Variants in COL21A1 observed in about 807,000 individuals in gnomAD.
COL21A1 encodes the protein collagen type XXI alpha 1 chain.
Under a neutral mutation model 137.9 loss-of-function variants are expected in COL21A1, and 149 were observed. The ratio of observed to expected loss-of-function variants is 1.08; its 90% CI spans 0.95 to 1.24. COL21A1 has a LOEUF of 1.24. Ranked by LOEUF, COL21A1 falls within the 50% of genes most tolerant of loss-of-function variation. COL21A1 has a pLI of 0.00. For synonymous variants in COL21A1, 456 were observed against 391.5 expected, an observed-to-expected ratio of 1.16 and a Z score of -1.95; for missense variants, 1,167 against 1,158.4, an observed-to-expected ratio of 1.01 and a Z score of -0.11.
chr6:56,374,720 CAAAA>C (rs34067784), intron 1 of COL21A1, among the ~76,000 whole-genome samples: 1 of 86,392 alleles, frequency 1.2e-5, no homozygotes, highest in African/African-American at 4.3e-5. Flanking sequence ...GACTTCGTCT[CAAAA>C]AAAAAAAAAA....
At chr6:56,102,905 T>G (rs1770580891) in intron 16 of COL21A1, among the ~76,000 whole-genome samples, 1 of 152,150 alleles carries the variant, frequency 6.6e-6, no homozygotes, top group Non-Finnish European at 1.5e-5. Context: ...GAGAAGTTAC[T>G]GCTAATCCAA....
chr6:56,167,901 G>A (rs1368698318), intron 6 of COL21A1, among the ~76,000 whole-genome samples: 4 of 152,050 alleles, frequency 2.6e-5, no homozygotes, highest in Non-Finnish European at 5.9e-5. Flanking sequence ...TGAACCCAGG[G>A]GAACATTTTT....
At chr6:56,326,034 T>C (rs559812018) in intron 1 of COL21A1, among the ~76,000 whole-genome samples, 6 of 40,480 alleles carry the variant, frequency 1.5e-4, no homozygotes, top group African/African-American at 4.5e-4. Context: ...CATAATATAT[T>C]ATGTATATGT....
At chr6:56,356,095 A>G (rs1348251249) in intron 1 of COL21A1, among the ~76,000 whole-genome samples, 1 of 152,160 alleles carries the variant, frequency 6.6e-6, no homozygotes, top group Non-Finnish European at 1.5e-5. Context: ...ATTTGTAACC[A>G]ATGTAATGTA....
chr6:56,252,249 G>A (rs533253783), upstream of COL21A1, among the ~76,000 whole-genome samples: 47 of 152,144 alleles, frequency 3.1e-4, no homozygotes, highest in Non-Finnish European at 4.7e-4. Context: ...AGCTTAACAA[G>A]CTTTTCCCTT....
At chr6:56,209,313 A>G (rs922628655) in intron 1 of COL21A1, among the ~76,000 whole-genome samples, 1 of 152,196 alleles carries the variant, frequency 6.6e-6, no homozygotes, top group Non-Finnish European at 1.5e-5. Flanking sequence ...TCTGCACAGC[A>G]AAAGAAACTA....
At chr6:56,197,171 G>C (rs1187103626) in intron 1 of COL21A1, among the ~76,000 whole-genome samples, 1 of 151,974 alleles carries the variant, frequency 6.6e-6, no homozygotes. Context: ...ATGTGGAAAA[G>C]AATGAAATTG....
At position 56,125,605 on chromosome 6, in the gene COL21A1, T is replaced by C; in HGVS notation, c.1612A>G (p.Lys538Glu). ...MPGSKGEMGA[K>E]GDKGSPGFYG... ...AATCCAGGTGATCCTTTGTCTCCTTTGGCACCCATTTCACCCTAAAAGACA... is the reference window on the plus strand; with the variant it reads ...AATCCAGGTGATCCTTTGTCTCCTTCGGCACCCATTTCACCCTAAAAGACA... Residue 538 changes from lysine (K) to glutamate (E), a missense_variant, in exon 14 of 30, where the codon AAA (lysine) becomes GAA (glutamate). By Grantham distance (56) the Lys-to-Glu change is moderately conservative. Transcript: ENST00000244728. 6.3e-7 allele frequency: 1 copy of C among 1,593,276 alleles called. No homozygotes were observed. The highest frequency in any genetic ancestry group is 8.6e-7 in the Non-Finnish European group (1 of 1,166,616).
chr6:56,258,311 C>G (rs1277670169), intron 1 of COL21A1, among the ~76,000 whole-genome samples: 6 of 152,030 alleles, frequency 3.9e-5, no homozygotes, highest in Non-Finnish European at 2.9e-5. Flanking sequence ...TCAGAGTCTG[C>G]CCTGTGCTCT....
chr6:56,201,009 G>C (rs1477885588), intron 1 of COL21A1, among the ~76,000 whole-genome samples: 3 of 152,152 alleles, frequency 2.0e-5, no homozygotes, highest in African/African-American at 4.8e-5. Context: ...ACTGGTGTGA[G>C]ATGGTATCTC....
intron 10 of COL21A1, among the ~76,000 whole-genome samples, chr6:56,150,534 AC>A (rs1271178995): frequency 6.6e-6 from 1 of 150,676 alleles, no homozygotes; most frequent in Non-Finnish European, 1.5e-5. Flanking sequence ...ACACACACAC[AC>A]ACACACACAC....
chr6:56,370,265 G>C (rs1336762336), intron 1 of COL21A1, among the ~76,000 whole-genome samples: 1 of 152,138 alleles, frequency 6.6e-6, no homozygotes, highest in African/African-American at 2.4e-5. Context: ...ATCCCGATCT[G>C]GAAAAACCTG....
In COL21A1 at chr6:56,065,801, CAT is replaced by C. The variant is rs1056809311; in HGVS notation, c.2128-1181_2128-1180del. Among the ~76,000 whole-genome samples, 23 of 152,052 alleles carry C rather than the reference CAT, an allele frequency of 1.5e-4. No individual in the cohort carries two copies. In the East Asian group the frequency reaches 2.5e-3, roughly 17 times the overall value. ...TTTGATGGCACAGGCTTTATCTTAA[CAT>C]GTGTGGGGCACGATTAAAGGACTCC... On this transcript the variant is annotated intron_variant, in intron 23 of 29. Transcript: ENST00000244728.
chr6:56,205,043 A>C (rs1460182540), intron 1 of COL21A1, among the ~76,000 whole-genome samples: 2 of 152,200 alleles, frequency 1.3e-5, no homozygotes, highest in Non-Finnish European at 2.9e-5. Context: ...CCAGTGCAAA[A>C]AGGCTGAAAA....
rs185737019 is a variant in COL21A1, at chr6:56,075,218, A to C, written c.1911+261T>G. On this transcript the variant is annotated intron_variant, in intron 19 of 29. Transcript: ENST00000244728. Reference sequence around the variant, plus strand: ...ATTTTTAAATTAATAGCTAGAATACATGTTTTCTAATTTATCTACAGTTAG... The same window carrying C: ...ATTTTTAAATTAATAGCTAGAATACCTGTTTTCTAATTTATCTACAGTTAG... Among the ~76,000 whole-genome samples, 25 of 151,590 alleles carry C rather than the reference A, an allele frequency of 1.6e-4. No homozygotes were observed. The East Asian group carries it at 4.9e-3, about 29-fold the overall frequency.
At chr6:56,083,070 CA>C (rs66647203) in intron 17 of COL21A1, among the ~76,000 whole-genome samples, 23,047 of 151,772 alleles carry the variant, frequency 0.15, 1,775 homozygotes, top group Middle Eastern at 0.22. Context: ...ATATTTAGTG[CA>C]ATTAAAACAA....
At chr6:56,162,116 C>CTA (rs148719539) in intron 9 of COL21A1, among the ~76,000 whole-genome samples, 2,647 of 152,180 alleles carry the variant, frequency 0.017, 72 homozygotes, top group African/African-American at 0.061. Context: ...AATTAAAACC[C>CTA]TATCAACTTT....
At chr6:56,358,304 A>AG (rs1318520561) in intron 1 of COL21A1, among the ~76,000 whole-genome samples, 1 of 152,158 alleles carries the variant, frequency 6.6e-6, no homozygotes, top group Non-Finnish European at 1.5e-5. Flanking sequence ...AATCAAATCA[A>AG]GCAACATTTG....
At chr6:56,313,013 A>T (rs1277255650) in intron 1 of COL21A1, among the ~76,000 whole-genome samples, 1 of 152,180 alleles carries the variant, frequency 6.6e-6, no homozygotes, top group African/African-American at 2.4e-5. Context: ...CGCATAGCAC[A>T]TATCTTTAAT....
Sources: gnomAD v4.1 joint callset for allele counts (sites outside exome capture counted in the v4.1 genomes callset) on GRCh38, gnomAD v4.1.1 for gene constraint, MANE v1.5 for transcripts, NCBI Gene and HGNC (gene_info 2026-07-23, HGNC 2026-07-21) for gene names.